The following GPATCH2 variants were observed in gnomAD, a reference collection of about 807,000 sequenced individuals.
GPATCH2 encodes G patch domain-containing protein 2.
Under a neutral mutation model 58.0 loss-of-function variants are expected in GPATCH2, and 51 were observed. The ratio of observed to expected loss-of-function variants is 0.88; its 90% CI spans 0.70 to 1.11. GPATCH2 has a LOEUF of 1.11. GPATCH2 is among the 50% of genes most tolerant of loss of function. The probability of loss-of-function intolerance (pLI) is 0.00; values close to 1 mark genes in which losing one functional copy is unlikely to be tolerated. For missense variants in GPATCH2, 625 were observed against 652.2 expected (o/e 0.96, Z 0.45); for synonymous variants, 222 against 218.5 (o/e 1.02, Z -0.14).
intron 5 of GPATCH2, among the ~76,000 whole-genome samples, chr1:217,605,790 G>C (rs992880939): frequency 6.6e-6 from 1 of 152,152 alleles, no homozygotes; most frequent in Non-Finnish European, 1.5e-5. Context: ...GCTTACATAA[G>C]GTTACTTGGA....
At position 217,627,662 on chromosome 1, in the gene GPATCH2, G is replaced by A. The variant is rs182200543; in HGVS notation, c.56+3254C>T. On this transcript the variant is annotated intron_variant, in intron 1 of 9. Transcript: ENST00000366935. ...TTGTTACCATAGGAACTTTCAGGAA[G>A]TTTTCTTTCCTCTTTACCATGGTTT... Among the ~76,000 whole-genome samples, 985 of 152,018 alleles carry A rather than the reference G, an allele frequency of 6.5e-3. 14 individuals carry two copies. The highest frequency in any genetic ancestry group is 7.6e-3 in the Non-Finnish European group (516 of 67,890).
At chr1:217,588,855 G>GA (rs1211643373) in intron 5 of GPATCH2, among the ~76,000 whole-genome samples, 1 of 152,112 alleles carries the variant, frequency 6.6e-6, no homozygotes, top group East Asian at 1.9e-4. Context: ...ACAAGTTAAA[G>GA]AAATATCCCA....
At position 217,631,001 on chromosome 1, in the gene GPATCH2, C is replaced by A. The variant is rs775782663; in HGVS notation, c.-30G>T. On this transcript the variant is annotated 5_prime_UTR_variant, in exon 1 of 10. Coordinates refer to ENST00000366935, the MANE Select transcript of GPATCH2 (RefSeq NM_018040.5). ...GACACCCGGGAGCCTGGCCTCGAAG[C>A]TCAGGCCCGTGAACAGACTCCAACT... is the stretch of plus-strand genomic sequence containing the variant. The A allele has an allele frequency of 1.9e-6, 3 of 1,570,078 alleles. No homozygotes were observed. In the East Asian group the frequency reaches 6.9e-5, roughly 36 times the overall value.
intron 5 of GPATCH2, among the ~76,000 whole-genome samples, chr1:217,592,057 G>C (rs553112215): frequency 1.3e-5 from 2 of 152,016 alleles, no homozygotes; most frequent in African/African-American, 4.8e-5. Flanking sequence ...ATTTTTTGAT[G>C]AACAAGAAAG....
At position 217,563,934 on chromosome 1, in the gene GPATCH2, C is replaced by T. The variant is rs184952472; in HGVS notation, c.1098+46387G>A. 1.1e-3 allele frequency among the ~76,000 whole-genome samples: 158 copies of T among 150,436 alleles called. 1 individual carries two copies. The highest frequency in any genetic ancestry group is 3.4e-3 in the African/African-American group (139 of 40,984). On this transcript the variant is annotated intron_variant, in intron 5 of 9. Coordinates refer to ENST00000366935, the MANE Select transcript of GPATCH2 (RefSeq NM_018040.5). ...TGGCGCATGCCTGTAATCCCAACTA[C>T]TCAGGAGGCTGGGGCAGGACAATCA... is the stretch of plus-strand genomic sequence containing the variant.
In GPATCH2 at chr1:217,610,320, C is replaced by T; in HGVS notation, c.1098+1G>A. 1 of 1,562,286 alleles carries T rather than the reference C, an allele frequency of 6.4e-7. No homozygotes were observed. The highest frequency in any genetic ancestry group is 8.8e-7 in the Non-Finnish European group (1 of 1,134,048). On this transcript the variant is annotated splice_donor_variant, in intron 5 of 9. Coordinates refer to ENST00000366935, the MANE Select transcript of GPATCH2 (RefSeq NM_018040.5). LOFTEE classifies it high-confidence loss of function. ...CAATTACACAGAAAAAGTATGCCTA[C>T]CATTGAAGTTGGAGTCCCTCCAGAT...
chr1:217,610,910 T>C lies in GPATCH2; in HGVS notation c.997A>G (p.Met333Val), dbSNP rs1668588477. ...ESILTGSFPLMSHPSRRGFQA... is the reference protein window; with the variant it reads ...ESILTGSFPLVSHPSRRGFQA... Reference sequence around the variant, plus strand: ...TGACCTCTTCTGCTTGGGTGTGACATAAGGGGAAAAGAACCAGTTAAGATA... The same window carrying C: ...TGACCTCTTCTGCTTGGGTGTGACACAAGGGGAAAAGAACCAGTTAAGATA... Residue 333 changes from methionine to valine, a missense_variant, in exon 4 of 10, where the codon ATG (methionine) becomes GTG (valine). Transcript: ENST00000366935. The C allele has an allele frequency of 6.2e-7, 1 of 1,612,952 alleles. No individual in the cohort carries two copies. Among genetic ancestry groups the C allele is most frequent in the Non-Finnish European group, 8.5e-7 (1 of 1,179,376 alleles).
Position 217,496,001 on chromosome 1 carries a change from G to A in GPATCH2, c.1206+2355C>T, listed in dbSNP as rs115939196. ...TTTGTGTTAAGTTGGTATGAGAAAA[G>A]CATAAGGTAATCATGCATGCTAATT... On this transcript the variant is annotated intron_variant, in intron 7 of 9. Coordinates refer to ENST00000366935, the MANE Select transcript of GPATCH2 (RefSeq NM_018040.5). Among the ~76,000 whole-genome samples the A allele has an allele frequency of 8.1e-3, 1,226 of 152,248 alleles. 16 individuals are homozygous for A. Among genetic ancestry groups the A allele is most frequent in the African/African-American group, 0.028 (1,170 of 41,556 alleles).
At chr1:217,512,321 C>A (rs1432081164) in intron 6 of GPATCH2, among the ~76,000 whole-genome samples, 1 of 151,970 alleles carries the variant, frequency 6.6e-6, no homozygotes, top group Admixed American at 6.5e-5. Context: ...GAGCAAGACC[C>A]TGTCTAAAAA....
intron 8 of GPATCH2, among the ~76,000 whole-genome samples, chr1:217,470,464 T>C (rs536282871): frequency 6.6e-6 from 1 of 152,330 alleles, no homozygotes; most frequent in Admixed American, 6.5e-5. Context: ...TATTTCTAAA[T>C]GTCAAATTCC....
At chr1:217,495,810 G>A (rs1183913002) in intron 7 of GPATCH2, among the ~76,000 whole-genome samples, 1 of 152,160 alleles carries the variant, frequency 6.6e-6, no homozygotes, top group Non-Finnish European at 1.5e-5. Flanking sequence ...AATAGATAGT[G>A]GCTGGTGAGT....
intron 9 of GPATCH2, among the ~76,000 whole-genome samples, chr1:217,441,373 G>A (rs265132): frequency 0.24 from 35,851 of 151,930 alleles, 5,559 homozygotes; most frequent in African/African-American, 0.45. Context: ...AGAGTTAAAC[G>A]TAACATCTAA....
intron 5 of GPATCH2, among the ~76,000 whole-genome samples, chr1:217,572,000 A>AGAAAGAAG (rs1666583717): frequency 7.4e-6 from 1 of 135,134 alleles, no homozygotes; most frequent in Non-Finnish European, 1.6e-5. Flanking sequence ...AAGGAAGGAA[A>AGAAAGAAG]GAAGGAAGGA....
chr1:217,588,274 G>A (rs539017372), intron 5 of GPATCH2, among the ~76,000 whole-genome samples: 1 of 152,136 alleles, frequency 6.6e-6, no homozygotes, highest in Non-Finnish European at 1.5e-5. Flanking sequence ...AGACTCAACT[G>A]CTAAGAACTG....
chr1:217,545,218 G>T (rs767641179), intron 5 of GPATCH2, among the ~76,000 whole-genome samples: 5 of 152,174 alleles, frequency 3.3e-5, no homozygotes, highest in African/African-American at 7.2e-5. Flanking sequence ...GGCTGAGGTA[G>T]CCCAGAAATC....
chr1:217,571,782 A>G (rs1666564275), intron 5 of GPATCH2, among the ~76,000 whole-genome samples: 1 of 151,336 alleles, frequency 6.6e-6, no homozygotes, highest in South Asian at 2.1e-4. Context: ...AGTCCCAGCT[A>G]CTTGGAAGGC....
At chr1:217,524,114 C>T (rs1378881598) in intron 5 of GPATCH2, among the ~76,000 whole-genome samples, 5 of 151,162 alleles carry the variant, frequency 3.3e-5, no homozygotes, top group Non-Finnish European at 7.4e-5. Flanking sequence ...GGGTGGCTGC[C>T]GGGCAGAGAC....
intron 6 of GPATCH2, among the ~76,000 whole-genome samples, chr1:217,499,043 C>A (rs1372131435): frequency 6.6e-6 from 1 of 152,090 alleles, no homozygotes; most frequent in Admixed American, 6.6e-5. Flanking sequence ...ACTCTTAATA[C>A]CGATGTATCT....
intron 6 of GPATCH2, among the ~76,000 whole-genome samples, chr1:217,501,034 A>C (rs1199477125): frequency 2.6e-5 from 4 of 152,122 alleles, no homozygotes; most frequent in African/African-American, 4.8e-5. Context: ...CTAGATACAG[A>C]ACAATTTATT....
Sources: allele counts gnomAD v4.1 joint callset (sites outside exome capture counted in the v4.1 genomes callset), GRCh38; gene constraint gnomAD v4.1.1; transcripts MANE v1.5; gene names NCBI Gene and HGNC (gene_info 2026-07-23, HGNC 2026-07-21).